ADAMTSL3: variants seen among roughly 807,000 people sequenced by gnomAD.
ADAMTSL3 encodes the protein ADAMTS like 3.
A neutral mutation model predicts 201.7 loss-of-function variants in ADAMTSL3; 128 were observed. The ratio of observed to expected loss-of-function variants is 0.63; its 90% confidence interval spans 0.55 to 0.73. ADAMTSL3 has a LOEUF of 0.73. Among genes scored for constraint, ADAMTSL3 ranks in the 30% least tolerant of loss-of-function variants. ADAMTSL3 has a pLI of 0.00. For missense variants in ADAMTSL3, 1,990 were observed against 2,119.6 expected, an observed-to-expected ratio of 0.94 and a Z score of 1.20; for synonymous variants, 738 against 748.4, an observed-to-expected ratio of 0.99 and a Z score of 0.23.
chr15:83,688,849 G>A (rs1273863243), intron 2 of ADAMTSL3, among the ~76,000 whole-genome samples: 11 of 151,356 alleles, frequency 7.3e-5, no homozygotes, highest in Non-Finnish European at 1.3e-4. Context: ...TTGCTCTGTC[G>A]CCAGGCTAGA....
rs1012530926 is a variant in ADAMTSL3, at chr15:83,966,894, C to T, written c.2491-3590C>T. ...GGTTCAACATACGAAAATCAATAAA[C>T]ATAATCCATCACATAAACAGAACCA... On this transcript the variant is annotated intron_variant, in intron 19 of 29. Transcript: ENST00000286744. 4.6e-5 allele frequency among the ~76,000 whole-genome samples: 7 copies of T among 152,272 alleles called. No homozygotes were observed. The South Asian group carries it at 1.5e-3, about 32-fold the overall frequency.
At position 83,787,051 on chromosome 15, in the gene ADAMTSL3, G is replaced by A. The variant is rs148047604; in HGVS notation, c.317+13401G>A. 5.3e-5 allele frequency among the ~76,000 whole-genome samples: 8 copies of A among 152,126 alleles called. No individual in the cohort carries two copies. The East Asian group carries it at 1.2e-3, about 22-fold the overall frequency. On this transcript the variant is annotated intron_variant, in intron 4 of 29. Transcript: ENST00000286744. ...ATCTTTTGCCAATGCTCTTCTTTCC[G>A]CCTAAATCATCCTTTTCTCCTTGTT... is the stretch of plus-strand genomic sequence containing the variant.
In ADAMTSL3 at chr15:83,963,705, C is replaced by G. The variant is rs542759332; in HGVS notation, c.2491-6779C>G. Among the ~76,000 whole-genome samples, 38 of 152,346 alleles carry G rather than the reference C, an allele frequency of 2.5e-4. No homozygotes were observed. The South Asian group carries it at 7.9e-3, about 32-fold the overall frequency. ...AGTGGGTCCCTGACCCCTGCACCTC[C>G]TGATGGGGAGACACCTCTCAGTAGG... is the stretch of plus-strand genomic sequence containing the variant. On this transcript the variant is annotated intron_variant, in intron 19 of 29. Transcript: ENST00000286744.
chr15:83,942,912 A>T lies in ADAMTSL3; in HGVS notation c.2320A>T (p.Thr774Ser). Residue 774 changes from threonine to serine, a missense_variant, in exon 19 of 30, where the codon ACT becomes TCT. Thr to Ser is a moderately conservative substitution (Grantham distance 58). Coordinates refer to ENST00000286744, the MANE Select transcript of ADAMTSL3 (RefSeq NM_207517.3). ...HIEEWQQCSRTCGGGTQNRRV... is the reference protein window; with the variant it reads ...HIEEWQQCSRSCGGGTQNRRV... ...CCTCTTGTCTTCTTAGTGTTCCAGG[A>T]CTTGTGGCGGGGGAACTCAGAACAG... The T allele has an allele frequency of 1.9e-6, 3 of 1,612,260 alleles. No individual in the cohort carries two copies. The highest frequency in any genetic ancestry group is 2.5e-6 in the Non-Finnish European group (3 of 1,179,122).
chr15:83,787,768 A>G (rs2141815967), intron 4 of ADAMTSL3, among the ~76,000 whole-genome samples: 1 of 152,198 alleles, frequency 6.6e-6, no homozygotes. Context: ...CTATAGATGA[A>G]GATTTAACAA....
intron 9 of ADAMTSL3, among the ~76,000 whole-genome samples, chr15:83,875,386 C>T (rs2065158607): frequency 6.6e-6 from 1 of 152,204 alleles, no homozygotes; most frequent in African/African-American, 2.4e-5. Flanking sequence ...GGAAGCTTGA[C>T]CCAGAACTGG....
At chr15:83,916,322 C>T (rs551911841) in intron 16 of ADAMTSL3, among the ~76,000 whole-genome samples, 7 of 152,188 alleles carry the variant, frequency 4.6e-5, no homozygotes, top group African/African-American at 1.7e-4. Flanking sequence ...TCATTTAATC[C>T]TGTAATAATA....
At chr15:83,665,209 G>T (rs546855105) in intron 2 of ADAMTSL3, among the ~76,000 whole-genome samples, 43 of 152,240 alleles carry the variant, frequency 2.8e-4, no homozygotes, top group African/African-American at 1.0e-3. Context: ...GTGATTACAT[G>T]GGCTTGAGAG....
intron 2 of ADAMTSL3, among the ~76,000 whole-genome samples, chr15:83,656,322 G>A (rs2061082626): frequency 6.6e-6 from 1 of 152,196 alleles, no homozygotes; most frequent in Non-Finnish European, 1.5e-5. Flanking sequence ...CCCGGCTCAT[G>A]AATTGCATCT....
At chr15:83,770,700 T>C (rs1255686449) in intron 3 of ADAMTSL3, among the ~76,000 whole-genome samples, 1 of 152,220 alleles carries the variant, frequency 6.6e-6, no homozygotes, top group African/African-American at 2.4e-5. Flanking sequence ...ATGGTTTCAG[T>C]ATTTTAACAT....
intron 3 of ADAMTSL3, among the ~76,000 whole-genome samples, chr15:83,734,115 T>C (rs1237370231): frequency 2.0e-5 from 3 of 152,184 alleles, no homozygotes; most frequent in African/African-American, 7.2e-5. Context: ...ATTTTAGCTA[T>C]AAAATATAGA....
chr15:83,675,122 C>T (rs560831215), intron 2 of ADAMTSL3, among the ~76,000 whole-genome samples: 2 of 151,832 alleles, frequency 1.3e-5, no homozygotes, highest in African/African-American at 4.8e-5. Flanking sequence ...AAATCATATA[C>T]TGGTTCTAGG....
At chr15:83,787,210 C>T (rs1157588938) in intron 4 of ADAMTSL3, among the ~76,000 whole-genome samples, 3 of 152,122 alleles carry the variant, frequency 2.0e-5, no homozygotes, top group East Asian at 1.9e-4. Flanking sequence ...TCATGAATAC[C>T]GTTGTGAGAG....
chr15:83,910,136 T>C (rs1474719977), intron 15 of ADAMTSL3, among the ~76,000 whole-genome samples: 2 of 152,224 alleles, frequency 1.3e-5, no homozygotes, highest in Non-Finnish European at 2.9e-5. Context: ...AATAGTGTTA[T>C]TATGTTTCAC....
At position 84,027,397 on chromosome 15, in the gene ADAMTSL3, T is replaced by C. The variant is rs186310050; in HGVS notation, c.4656+1961T>C. Among the ~76,000 whole-genome samples, 309 of 152,286 alleles carry C rather than the reference T, an allele frequency of 2.0e-3. 1 individual carries two copies. The highest frequency in any genetic ancestry group is 3.1e-3 in the Admixed American group (48 of 15,292). The stretch of plus-strand genomic sequence containing the variant: ...GTATGTATCCAAAAGAAATGAAACA[T>C]TCAGGATCTATATCCTAGGGCAAAA... On this transcript the variant is annotated intron_variant, in intron 27 of 29. Transcript: ENST00000286744.
At chr15:83,997,201 C>CA (rs1400291792) in intron 23 of ADAMTSL3, among the ~76,000 whole-genome samples, 3 of 152,144 alleles carry the variant, frequency 2.0e-5, no homozygotes, top group Non-Finnish European at 4.4e-5. Flanking sequence ...GGATACATAC[C>CA]AGTGTCAGGA....
intron 7 of ADAMTSL3, among the ~76,000 whole-genome samples, chr15:83,845,167 C>G (rs1006251303): frequency 3.3e-5 from 5 of 152,244 alleles, no homozygotes; most frequent in African/African-American, 9.6e-5. Context: ...TTTGACCACT[C>G]TACGTAAAGT....
Position 83,899,720 on chromosome 15 carries a change from A to G in ADAMTSL3, c.1689A>G (p.Thr563=). The change falls in exon 15 of 30, where the codon ACA becomes ACG. Residue 563 remains threonine, a synonymous_variant. Coordinates refer to ENST00000286744, the MANE Select transcript of ADAMTSL3 (RefSeq NM_207517.3). Reference sequence around the variant, plus strand: ...AACTAGAAGAGACCAGAATAGCAACAGAAGAACCAACGTGAGTCCAGGACC... The same window carrying G: ...AACTAGAAGAGACCAGAATAGCAACGGAAGAACCAACGTGAGTCCAGGACC... The part of the protein sequence containing the change: ...AQELEETRIA[T]EEPTFIPEPW... 6.2e-7 allele frequency: 1 copy of G among 1,611,346 alleles called. No homozygotes were observed. Among genetic ancestry groups the G allele is most frequent in the Non-Finnish European group, 8.5e-7 (1 of 1,178,244 alleles).
At chr15:83,698,696 A>G (rs576292954) in intron 2 of ADAMTSL3, among the ~76,000 whole-genome samples, 39 of 152,144 alleles carry the variant, frequency 2.6e-4, no homozygotes, top group Non-Finnish European at 4.4e-4. Context: ...CATGTTTGGT[A>G]TGATGCTTGC....
Sources: gnomAD v4.1 joint callset for allele counts (sites outside exome capture counted in the v4.1 genomes callset) on GRCh38, gnomAD v4.1.1 for gene constraint, MANE v1.5 for transcripts, NCBI Gene and HGNC (gene_info 2026-07-23, HGNC 2026-07-21) for gene names.